Variants in IL1RAPL1 observed in about 807,000 individuals in gnomAD.
The protein encoded by IL1RAPL1 is interleukin-1 receptor accessory protein-like 1.
A neutral mutation model predicts 48.4 loss-of-function variants in IL1RAPL1; 3 were observed. The observed-to-expected ratio is 0.06, with a 90% confidence interval of 0.03 to 0.16. The LOEUF (loss-of-function observed/expected upper bound fraction) is 0.16, where lower values mean the gene tolerates loss of function less well. Ranked by LOEUF, IL1RAPL1 falls within the 10% of genes least tolerant of loss-of-function variation. The pLI is 1.00. For missense variants in IL1RAPL1, 349 were observed against 530.6 expected, an observed-to-expected ratio of 0.66 and a Z score of 3.36; for synonymous variants, 185 against 187.7, an observed-to-expected ratio of 0.99 and a Z score of 0.12.
chrX:29,525,652 C>T (rs1935545687), intron 5 of IL1RAPL1, among the ~76,000 whole-genome samples: 1 of 111,833 alleles, frequency 8.9e-6, no homozygotes, highest in Non-Finnish European at 1.9e-5. Context: ...ATTCACCTGC[C>T]CATAGGTCCA....
chrX:29,544,360 C>T (rs1314232172), intron 5 of IL1RAPL1, among the ~76,000 whole-genome samples: 1 of 112,091 alleles, frequency 8.9e-6, no homozygotes, highest in South Asian at 3.7e-4. Context: ...TCAAAAGTTG[C>T]TCAGTGCTAT....
chrX:28,827,249 A>G (rs1426046435), intron 2 of IL1RAPL1, among the ~76,000 whole-genome samples: 1 of 110,999 alleles, frequency 9.0e-6, no homozygotes, highest in African/African-American at 3.3e-5. Flanking sequence ...CTAAACATTT[A>G]TATTATTTAA....
chrX:29,274,280 T>C, intron 2 of IL1RAPL1, among the ~76,000 whole-genome samples: 1 of 112,307 alleles, frequency 8.9e-6, no homozygotes, highest in East Asian at 2.8e-4. Flanking sequence ...CACATATGAA[T>C]GTAGATTAAT....
chrX:28,890,035 T>G (rs2147319129), intron 2 of IL1RAPL1, among the ~76,000 whole-genome samples: 1 of 111,621 alleles, frequency 9.0e-6, no homozygotes, highest in South Asian at 3.7e-4. Flanking sequence ...GAACGTGCCT[T>G]TTTTGTTTGC....
chrX:28,816,292 A>T (rs945699736), intron 2 of IL1RAPL1, among the ~76,000 whole-genome samples: 1 of 109,938 alleles, frequency 9.1e-6, no homozygotes, highest in African/African-American at 3.3e-5. Context: ...AAGGTTTGTT[A>T]TATGGGTATA....
intron 1 of IL1RAPL1, among the ~76,000 whole-genome samples, chrX:28,662,046 G>A (rs1356222538): frequency 4.5e-5 from 5 of 111,173 alleles, no homozygotes; most frequent in Non-Finnish European, 7.5e-5. Flanking sequence ...GGTGGGAGGC[G>A]CCCTCTTCTT....
intron 6 of IL1RAPL1, among the ~76,000 whole-genome samples, chrX:29,766,048 C>T (rs994270818): frequency 9.2e-6 from 1 of 108,975 alleles, no homozygotes; most frequent in African/African-American, 3.4e-5. Flanking sequence ...AAATGATTCC[C>T]GGCTGGGCGC....
At chrX:28,741,212 T>A (rs1349162102) in intron 1 of IL1RAPL1, among the ~76,000 whole-genome samples, 2 of 111,888 alleles carry the variant, frequency 1.8e-5, no homozygotes, top group African/African-American at 6.5e-5. Context: ...GTTATTTTTT[T>A]ACTTTTTGGT....
chrX:29,793,632 TTATCA>T (rs1254906494), intron 6 of IL1RAPL1, among the ~76,000 whole-genome samples: 68 of 112,123 alleles, frequency 6.1e-4, no homozygotes, highest in African/African-American at 2.1e-3. Context: ...CATTTATTAC[TTATCA>T]TATTTATTGC....
intron 5 of IL1RAPL1, among the ~76,000 whole-genome samples, chrX:29,468,068 C>G (rs1934883099): frequency 9.0e-6 from 1 of 111,335 alleles, no homozygotes; most frequent in Non-Finnish European, 1.9e-5. Flanking sequence ...ACTATGTTGC[C>G]CAGGCTGGTC....
intron 1 of IL1RAPL1, among the ~76,000 whole-genome samples, chrX:28,679,250 T>G (rs1935031420): frequency 8.9e-6 from 1 of 112,241 alleles, no homozygotes; most frequent in Non-Finnish European, 1.9e-5. Flanking sequence ...TATGTCTTCT[T>G]TAGAGAAATA....
intron 3 of IL1RAPL1, among the ~76,000 whole-genome samples, chrX:29,337,868 T>G (rs1933017987): frequency 9.1e-6 from 1 of 110,254 alleles, no homozygotes; most frequent in Admixed American, 9.8e-5. Context: ...AGAGACAGAG[T>G]TTCACCATGT....
chrX:28,939,709 T>C (rs1342617364), intron 2 of IL1RAPL1, among the ~76,000 whole-genome samples: 1 of 111,772 alleles, frequency 8.9e-6, no homozygotes, highest in Non-Finnish European at 1.9e-5. Flanking sequence ...GTCAAAGATG[T>C]AATCTTTTCT....
intron 2 of IL1RAPL1, among the ~76,000 whole-genome samples, chrX:29,080,912 T>C (rs1927788741): frequency 2.0e-5 from 2 of 101,382 alleles, no homozygotes; most frequent in African/African-American, 7.6e-5. Flanking sequence ...CCAGCTATTT[T>C]TTTTAAATAT....
In IL1RAPL1 at chrX:29,474,416, G is replaced by A. The variant is rs145715487; in HGVS notation, c.703+75108G>A. 2.9e-3 allele frequency among the ~76,000 whole-genome samples: 324 copies of A among 112,182 alleles called. 1 individual carries two copies. The highest frequency in any genetic ancestry group is 5.2e-3 in the Non-Finnish European group (277 of 53,210). On this transcript the variant is annotated intron_variant, in intron 5 of 10. Coordinates refer to ENST00000378993, the MANE Select transcript of IL1RAPL1 (RefSeq NM_014271.4). ...GGAAGTAATAGTATTTGCCCTGTAG[G>A]GTGATAGTAAAAATTAAAGGAGCTA...
At chrX:29,208,539 A>G (rs985930365) in intron 2 of IL1RAPL1, among the ~76,000 whole-genome samples, 21 of 108,445 alleles carry the variant, frequency 1.9e-4, no homozygotes, top group Non-Finnish European at 1.3e-4. Flanking sequence ...GTGAAACTCC[A>G]TCTCTACTAA....
chrX:29,594,439 A>G (rs1268300803), intron 5 of IL1RAPL1, among the ~76,000 whole-genome samples: 1 of 111,596 alleles, frequency 9.0e-6, no homozygotes, highest in Non-Finnish European at 1.9e-5. Flanking sequence ...TCTGATTGGT[A>G]TATCTGAATA....
At chrX:29,474,332 G>A (rs758978255) in intron 5 of IL1RAPL1, among the ~76,000 whole-genome samples, 1 of 111,982 alleles carries the variant, frequency 8.9e-6, no homozygotes, top group Non-Finnish European at 1.9e-5. Context: ...CCAGAATTCC[G>A]TAGTAGGAAT....
chrX:29,865,881 C>G (rs895012236), intron 6 of IL1RAPL1, among the ~76,000 whole-genome samples: 1 of 106,921 alleles, frequency 9.4e-6, no homozygotes, highest in Non-Finnish European at 1.9e-5. Context: ...AACTCCTGAC[C>G]TCAAGTGATC....
Sources: allele counts gnomAD v4.1 joint callset (sites outside exome capture counted in the v4.1 genomes callset), GRCh38; gene constraint gnomAD v4.1.1; transcripts MANE v1.5; gene names NCBI Gene and HGNC (gene_info 2026-07-23, HGNC 2026-07-21).